PDE1C: variants seen among roughly 807,000 people sequenced by gnomAD.
PDE1C encodes dual specificity calcium/calmodulin-dependent 3',5'-cyclic nucleotide phosphodiesterase 1C.
Under a neutral mutation model 93.1 loss-of-function variants are expected in PDE1C, and 62 were observed. The observed-to-expected ratio is 0.67, with a 90% CI of 0.54 to 0.82. The LOEUF (loss-of-function observed/expected upper bound fraction) is 0.82, where lower values mean the gene tolerates loss of function less well. PDE1C is among the 40% of genes least tolerant of loss of function. The pLI, the probability that PDE1C is intolerant of heterozygous loss-of-function variation, is 0.00. For synonymous variants in PDE1C, 325 were observed against 310.1 expected, an observed-to-expected ratio of 1.05 and a Z score of -0.50; for missense variants, 742 against 884.6, an observed-to-expected ratio of 0.84 and a Z score of 2.04.
chr7:32,360,656 C>T (rs564258520), intron 1 of PDE1C, among the ~76,000 whole-genome samples: 1 of 152,284 alleles, frequency 6.6e-6, no homozygotes, highest in African/African-American at 2.4e-5. Context: ...GTTCTGACCC[C>T]ATTTTGAAAT....
At chr7:32,427,017 A>G (rs1023560682) in intron 1 of PDE1C, among the ~76,000 whole-genome samples, 1 of 152,204 alleles carries the variant, frequency 6.6e-6, no homozygotes, top group African/African-American at 2.4e-5. Context: ...TATACAAACT[A>G]AGGCATTTTC....
intron 17 of PDE1C, among the ~76,000 whole-genome samples, chr7:31,759,064 T>C (rs1034030480): frequency 8.5e-5 from 13 of 152,228 alleles, no homozygotes; most frequent in Admixed American, 5.2e-4. Flanking sequence ...CCTGCTGATA[T>C]AGGTAGACTC....
At chr7:31,877,535 CT>C (rs941246859) in intron 5 of PDE1C, among the ~76,000 whole-genome samples, 2 of 150,852 alleles carry the variant, frequency 1.3e-5, no homozygotes, top group African/African-American at 4.9e-5. Context: ...CTAATTAACT[CT>C]TTTTTTTTAA....
intron 1 of PDE1C, among the ~76,000 whole-genome samples, chr7:32,222,111 C>T (rs921447318): frequency 5.3e-5 from 8 of 152,104 alleles, no homozygotes; most frequent in East Asian, 1.9e-4. Context: ...TGTATATACA[C>T]GCACACACAC....
intron 2 of PDE1C, among the ~76,000 whole-genome samples, chr7:32,176,445 G>C (rs757122760): frequency 6.6e-6 from 1 of 152,126 alleles, no homozygotes; most frequent in African/African-American, 2.4e-5. Context: ...AAGTAAGACA[G>C]GTTGGAGATG....
At chr7:31,971,795 G>C (rs374299839) in intron 2 of PDE1C, among the ~76,000 whole-genome samples, 4 of 152,328 alleles carry the variant, frequency 2.6e-5, no homozygotes, top group South Asian at 4.1e-4. Flanking sequence ...TTTTCTGACA[G>C]TGACTGTCCC....
At chr7:32,326,070 A>T (rs975681821) in intron 1 of PDE1C, among the ~76,000 whole-genome samples, 1 of 152,166 alleles carries the variant, frequency 6.6e-6, no homozygotes, top group Non-Finnish European at 1.5e-5. Context: ...AAAAAAAGGA[A>T]TCAAGGATGA....
intron 2 of PDE1C, among the ~76,000 whole-genome samples, chr7:31,985,782 G>T (rs1393335268): frequency 6.6e-6 from 1 of 152,122 alleles, no homozygotes; most frequent in Non-Finnish European, 1.5e-5. Flanking sequence ...AGTATTCCAT[G>T]GTGTATGTGT....
chr7:31,674,161 C>T, the PDE1C span, among the ~76,000 whole-genome samples: 1 of 152,168 alleles, frequency 6.6e-6, no homozygotes, highest in African/African-American at 2.4e-5. Flanking sequence ...TCCTAATCAG[C>T]CCCTGCCCAC....
chr7:31,743,069 T>C, the PDE1C span, among the ~76,000 whole-genome samples: 1 of 151,164 alleles, frequency 6.6e-6, no homozygotes, highest in Admixed American at 6.6e-5. Flanking sequence ...ATCTCTATAG[T>C]TTTTTTGTTG....
At chr7:31,711,632 T>C in the PDE1C span, among the ~76,000 whole-genome samples, 1 of 152,222 alleles carries the variant, frequency 6.6e-6, no homozygotes, top group African/African-American at 2.4e-5. Context: ...AATGAGTAAG[T>C]ATATTAATAA....
chr7:31,647,057 C>G, the PDE1C span, among the ~76,000 whole-genome samples: 1 of 152,216 alleles, frequency 6.6e-6, no homozygotes, highest in South Asian at 2.1e-4. Flanking sequence ...CATATTTATA[C>G]TCCTATGCAG....
intron 1 of PDE1C, among the ~76,000 whole-genome samples, chr7:32,059,897 C>T (rs1004353158): frequency 5.6e-4 from 85 of 152,210 alleles, no homozygotes; most frequent in Non-Finnish European, 1.1e-3. Flanking sequence ...CACGTATTTA[C>T]AACCACTTGC....
intron 1 of PDE1C, among the ~76,000 whole-genome samples, chr7:32,399,581 C>CTTT (rs34748013): frequency 0.045 from 5,238 of 117,482 alleles, 263 homozygotes; most frequent in Non-Finnish European, 0.06. Context: ...CTTCATTTAA[C>CTTT]TTTTTTTTTT....
intron 2 of PDE1C, among the ~76,000 whole-genome samples, chr7:32,195,608 T>A (rs563325702): frequency 6.4e-4 from 97 of 152,074 alleles, no homozygotes; most frequent in Non-Finnish European, 1.0e-3. Flanking sequence ...TCCCAGCACT[T>A]TGGGAGGTCA....
At chr7:31,828,842 C>T (rs528919347) in intron 11 of PDE1C, among the ~76,000 whole-genome samples, 1 of 152,314 alleles carries the variant, frequency 6.6e-6, no homozygotes, top group African/African-American at 2.4e-5. Context: ...AAGCCACACA[C>T]ACTTGGAGCA....
At chr7:32,332,122 AT>A (rs576504845) in intron 1 of PDE1C, among the ~76,000 whole-genome samples, 75 of 152,326 alleles carry the variant, frequency 4.9e-4, no homozygotes, top group Admixed American at 1.8e-3. Flanking sequence ...AAATCACTGC[AT>A]TTTCTATATA....
At chr7:32,346,386 G>T (rs997545189) in intron 1 of PDE1C, among the ~76,000 whole-genome samples, 1 of 152,218 alleles carries the variant, frequency 6.6e-6, no homozygotes, top group East Asian at 1.9e-4. Context: ...TTGCAAAAGG[G>T]AAATACCTGG....
intron 1 of PDE1C, among the ~76,000 whole-genome samples, chr7:32,325,863 G>A (rs879640000): frequency 6.6e-6 from 1 of 152,190 alleles, no homozygotes; most frequent in Non-Finnish European, 1.5e-5. Flanking sequence ...GCCCAAGAGG[G>A]AGATAATCTG....
Sources: gnomAD v4.1 joint callset for allele counts (sites outside exome capture counted in the v4.1 genomes callset) on GRCh38, gnomAD v4.1.1 for gene constraint, MANE v1.5 for transcripts, NCBI Gene and HGNC (gene_info 2026-07-23, HGNC 2026-07-21) for gene names.